Variants in CELF5 observed in about 807,000 individuals in gnomAD.
CELF5 encodes the protein CUGBP Elav-like family member 5.
In CELF5, 6 loss-of-function variants were observed where a neutral mutation model predicts 54.9. The observed-to-expected ratio is 0.11, with a 90% CI of 0.06 to 0.22. The LOEUF is 0.22. Among genes scored for constraint, CELF5 ranks in the 10% least tolerant of loss-of-function variants. The pLI, the probability that CELF5 is intolerant of heterozygous loss-of-function variation, is 1.00. For synonymous variants in CELF5, 271 were observed against 290.9 expected, an observed-to-expected ratio of 0.93 and a Z score of 0.70; for missense variants, 401 against 678.6, an observed-to-expected ratio of 0.59 and a Z score of 4.54.
intron 9 of CELF5, 131 bp downstream of exon 9, chr19:3,285,095 C>T: frequency 2.9e-6 from 2 of 695,358 alleles, no homozygotes; most frequent in Non-Finnish European, 4.9e-6. Flanking sequence ...CCCCGCCCCT[C>T]AGGGCCCACC....
rs2080006409 is a variant in CELF5, at chr19:3,273,927, G to A, written c.394+4G>A. ...GACAGTGAAAGCCGCGGAGGTAGTTGTCATCTCTCCGTGGCTGCCAGGCTG... is the reference window on the plus strand; with the variant it reads ...GACAGTGAAAGCCGCGGAGGTAGTTATCATCTCTCCGTGGCTGCCAGGCTG... On this transcript the variant is annotated splice_donor_region_variant and intron_variant, in intron 3 of 12. Transcript: ENST00000292672. The A allele has an allele frequency of 6.2e-7, 1 of 1,613,080 alleles. No homozygotes were observed. The highest frequency in any genetic ancestry group is 1.7e-5 in the Admixed American group (1 of 59,976).
chr19:3,288,755 G>A (rs952061627), intron 10 of CELF5, among the ~76,000 whole-genome samples: 1 of 152,094 alleles, frequency 6.6e-6, no homozygotes, highest in Non-Finnish European at 1.5e-5. Flanking sequence ...GGCCAAAGTG[G>A]GGGGATTGCT....
Position 3,267,170 on chromosome 19 carries a change from G to A in CELF5, c.343-6702G>A, listed in dbSNP as rs978063357. Among the ~76,000 whole-genome samples the A allele has an allele frequency of 3.9e-5, 6 of 152,144 alleles. No homozygotes were observed. The East Asian group carries it at 5.8e-4, about 15-fold the overall frequency. On this transcript the variant is annotated intron_variant, in intron 2 of 12. Transcript: ENST00000292672. ...CTTCTGTCTCTTTATAAGCCAGGAG[G>A]GGAGTGATCCAGGTCATTTGCTTGA... is the stretch of plus-strand genomic sequence containing the variant.
At chr19:3,263,004 G>A (rs950663090) in intron 2 of CELF5, among the ~76,000 whole-genome samples, 1 of 151,890 alleles carries the variant, frequency 6.6e-6, no homozygotes, top group African/African-American at 2.4e-5. Flanking sequence ...CCAGCACTTT[G>A]GGAGACCGAG....
At chr19:3,226,842 G>T (rs1200154067) in intron 1 of CELF5, among the ~76,000 whole-genome samples, 2 of 152,078 alleles carry the variant, frequency 1.3e-5, no homozygotes, top group East Asian at 3.9e-4. Flanking sequence ...TGAAGGAGGG[G>T]CTGGGGCTGG....
intron 1 of CELF5, among the ~76,000 whole-genome samples, chr19:3,237,452 C>T (rs2145005382): frequency 6.6e-6 from 1 of 151,932 alleles, no homozygotes; most frequent in South Asian, 2.1e-4. Flanking sequence ...TCATGAGTTT[C>T]CCGGGAAAGG....
Position 3,228,408 on chromosome 19 carries a change from C to CGGCAGGAGACCCT in CELF5, c.259+3410_259+3411insGGCAGGAGACCCT, listed in dbSNP as rs1444629078. Among the ~76,000 whole-genome samples the CGGCAGGAGACCCT allele has an allele frequency of 6.6e-6, 1 of 152,210 alleles. No homozygotes were observed. Among genetic ancestry groups the CGGCAGGAGACCCT allele is most frequent in the Non-Finnish European group, 1.5e-5 (1 of 68,022 alleles). ...GCAGTTCCTGCCCCGGGGACCCTCC[C>CGGCAGGAGACCCT]TCCAAGGCAGGCACCTCTGGAGCTG... On this transcript the variant is annotated intron_variant, in intron 1 of 12. Transcript: ENST00000292672. This position sits in a 1 kb window ranked among gnomAD's most constrained non-coding sequence, Gnocchi z 6.0.
intron 1 of CELF5, among the ~76,000 whole-genome samples, chr19:3,250,171 A>G (rs146235702): frequency 4.6e-4 from 70 of 152,288 alleles, no homozygotes; most frequent in African/African-American, 1.6e-3. Context: ...CACAACTTCA[A>G]ATGTACCGTC....
At position 3,225,320 on chromosome 19, in the gene CELF5, C is replaced by T. The variant is rs577630533; in HGVS notation, c.259+322C>T. Among the ~76,000 whole-genome samples, 482 of 109,628 alleles carry T rather than the reference C, an allele frequency of 4.4e-3. 12 individuals are homozygous for T. The highest frequency in any genetic ancestry group is 0.016 in the African/African-American group (403 of 25,688). 71.9% of individuals were successfully genotyped at this position (109,628 alleles called of 152,430 possible). On this transcript the variant is annotated intron_variant, in intron 1 of 12. Transcript: ENST00000292672. Reference sequence around the variant, plus strand: ...TTCTCTCCCATCTCCCTCGACCTCTCATCCTTCCCCCCACAGCACCCTCTC... The same window carrying T: ...TTCTCTCCCATCTCCCTCGACCTCTTATCCTTCCCCCCACAGCACCCTCTC...
Position 3,277,163 on chromosome 19 carries a change from C to T in CELF5, c.524-868C>T, listed in dbSNP as rs60793088. ...CTGAATGTGTCTGACGGTTTCAGAC[C>T]ATTACCTGGTTCTTCCTTTTTAAAA... On this transcript the variant is annotated intron_variant, in intron 4 of 12. Coordinates refer to ENST00000292672, the MANE Select transcript of CELF5 (RefSeq NM_021938.4). Among the ~76,000 whole-genome samples the T allele has an allele frequency of 6.0e-3, 911 of 152,236 alleles. 6 individuals carry two copies. Among genetic ancestry groups the T allele is most frequent in the African/African-American group, 0.02 (851 of 41,538 alleles).
intron 1 of CELF5, among the ~76,000 whole-genome samples, chr19:3,243,270 A>G (rs934141498): frequency 1.3e-5 from 2 of 151,658 alleles, no homozygotes; most frequent in African/African-American, 2.4e-5. Flanking sequence ...TTAAATATCA[A>G]TGGAGTTTTT....
At chr19:3,237,136 C>G (rs1167063383) in intron 1 of CELF5, among the ~76,000 whole-genome samples, 1 of 151,122 alleles carries the variant, frequency 6.6e-6, no homozygotes, top group Non-Finnish European at 1.5e-5. Context: ...CACGGTGAAA[C>G]CCCATCTCTA....
At chr19:3,290,547 G>A (rs1013286946) in intron 11 of CELF5, among the ~76,000 whole-genome samples, 173 bp downstream of exon 11, 5 of 143,426 alleles carry the variant, frequency 3.5e-5, no homozygotes, top group Non-Finnish European at 6.1e-5. Flanking sequence ...CACTTTGTTT[G>A]TTTTGGTTTG....
intron 2 of CELF5, among the ~76,000 whole-genome samples, chr19:3,258,361 A>G (rs1372634948): frequency 6.6e-6 from 1 of 151,868 alleles, no homozygotes; most frequent in Non-Finnish European, 1.5e-5. Flanking sequence ...ACCTCAAGCA[A>G]TCCTCCCGCC....
chr19:3,274,057 C>T (rs2080008741), intron 3 of CELF5, 134 bp downstream of exon 3: 1 of 831,298 alleles, frequency 1.2e-6, no homozygotes, highest in South Asian at 1.6e-5. Context: ...CCTCCCTGCC[C>T]CAAAGCATGC....
chr19:3,226,045 A>C (rs1422260938), intron 1 of CELF5, among the ~76,000 whole-genome samples: 2 of 151,522 alleles, frequency 1.3e-5, no homozygotes, highest in Admixed American at 6.6e-5. Context: ...CCAGCGTCTG[A>C]ATTGGGGTGG....
At position 3,250,970 on chromosome 19, in the gene CELF5, T is replaced by C; in HGVS notation, c.260-15T>C. 1.2e-6 allele frequency: 2 copies of C among 1,609,000 alleles called. No individual in the cohort carries two copies. The highest frequency in any genetic ancestry group is 1.7e-6 in the Non-Finnish European group (2 of 1,175,538). On this transcript the variant is annotated splice_polypyrimidine_tract_variant and intron_variant, in intron 1 of 12. Coordinates refer to ENST00000292672, the MANE Select transcript of CELF5 (RefSeq NM_021938.4). ...GCCCGTGCTCTCTTAACACCCCCGT[T>C]TCTCTCCCTTCCAGGCTGTGCCTTC...
At chr19:3,248,891 TTCCTTCCTTC>T (rs1568337785) in intron 1 of CELF5, among the ~76,000 whole-genome samples, 3 of 133,030 alleles carry the variant, frequency 2.3e-5, no homozygotes, top group South Asian at 2.9e-4. Flanking sequence ...CCTTCCTTCC[TTCCTTCCTTC>T]CTTCCTTTCT....
intron 1 of CELF5, among the ~76,000 whole-genome samples, chr19:3,248,905 C>CCTTTCTTT (rs796237924): frequency 2.4e-4 from 23 of 94,232 alleles, no homozygotes; most frequent in East Asian, 1.1e-3. Flanking sequence ...TTCCTTCCTT[C>CCTTTCTTT]CTTTCTTTCT....
Sources: gnomAD v4.1 joint callset for allele counts (sites outside exome capture counted in the v4.1 genomes callset) on GRCh38, gnomAD v4.1.1 for gene constraint, Gnocchi (gnomAD v3.1) non-coding constraint, MANE v1.5 for transcripts, NCBI Gene and HGNC (gene_info 2026-07-23, HGNC 2026-07-21) for gene names.